Variants in DTWD2 observed in about 807,000 individuals in gnomAD.
DTWD2 encodes DTW motif tRNA-uridine aminocarboxypropyltransferase 2, also known as tRNA-uridine aminocarboxypropyltransferase 2.
DTWD2 carries 39 observed loss-of-function variants against 31.8 expected under a neutral mutation model. The observed-to-expected ratio is 1.22, with a 90% CI of 0.95 to 1.60. The LOEUF (loss-of-function observed/expected upper bound fraction) is 1.60, where lower values mean the gene tolerates loss of function less well. Ranked by LOEUF, DTWD2 falls within the 40% of genes most tolerant of loss-of-function variation. The pLI is 0.00. For missense variants in DTWD2, 515 were observed against 381.5 expected (o/e 1.35, Z -2.92); for synonymous variants, 180 against 142.8 (o/e 1.26, Z -1.86).
At chr5:118,981,837 T>C (rs1191273005) in intron 1 of DTWD2, among the ~76,000 whole-genome samples, 1 of 152,084 alleles carries the variant, frequency 6.6e-6, no homozygotes, top group African/African-American at 2.4e-5. Context: ...AAAATACCCA[T>C]GGCCAAAGGT....
At chr5:118,896,426 A>C (rs1753085039) in intron 4 of DTWD2, among the ~76,000 whole-genome samples, 1 of 151,916 alleles carries the variant, frequency 6.6e-6, no homozygotes, top group Admixed American at 6.6e-5. Flanking sequence ...AAAAAGGTTA[A>C]GATAAAAACA....
intron 4 of DTWD2, among the ~76,000 whole-genome samples, chr5:118,857,286 C>CTATGTGTACA (rs1397414404): frequency 6.6e-6 from 1 of 152,066 alleles, no homozygotes; most frequent in East Asian, 1.9e-4. Flanking sequence ...AGTATAACCT[C>CTATGTGTACA]TATGTGTACA....
intron 1 of DTWD2, 67 bp downstream of exon 1, chr5:118,988,227 G>C: frequency 1.3e-6 from 2 of 1,527,020 alleles, no homozygotes; most frequent in Non-Finnish European, 1.8e-6. Flanking sequence ...CTCCCCGGCA[G>C]GGGGCGCCGC....
At chr5:118,849,441 G>C (rs1174019050) in intron 4 of DTWD2, among the ~76,000 whole-genome samples, 2 of 152,172 alleles carry the variant, frequency 1.3e-5, no homozygotes, top group African/African-American at 2.4e-5. Context: ...CTGTAAACTA[G>C]TTCAATCACT....
chr5:118,977,537 C>T (rs1429288828), intron 1 of DTWD2, among the ~76,000 whole-genome samples: 1 of 152,110 alleles, frequency 6.6e-6, no homozygotes, highest in Non-Finnish European at 1.5e-5. Flanking sequence ...TTCCTATGTA[C>T]CAACAACAGG....
At chr5:118,875,430 C>A (rs1447617204) in intron 4 of DTWD2, among the ~76,000 whole-genome samples, 1 of 151,946 alleles carries the variant, frequency 6.6e-6, no homozygotes. Context: ...AGAACCAAGA[C>A]CTATTGGTAT....
chr5:118,974,109 C>A (rs1755069173), intron 1 of DTWD2: 4 of 1,591,270 alleles, frequency 2.5e-6, no homozygotes, highest in East Asian at 4.5e-5. Flanking sequence ...AAGCAGAAGA[C>A]CGACGAGGAT....
chr5:118,971,569 T>A (rs1339206013), intron 1 of DTWD2, among the ~76,000 whole-genome samples: 1 of 152,150 alleles, frequency 6.6e-6, no homozygotes, highest in Non-Finnish European at 1.5e-5. Flanking sequence ...ATTAGACAGA[T>A]GATCAAGACA....
intron 4 of DTWD2, among the ~76,000 whole-genome samples, chr5:118,853,875 T>G (rs1161407381): frequency 2.0e-5 from 3 of 152,128 alleles, no homozygotes; most frequent in Admixed American, 1.3e-4. Flanking sequence ...AGTTAAAAAT[T>G]TTTAATACTT....
At chr5:118,951,243 G>A (rs1754457965) in intron 1 of DTWD2, among the ~76,000 whole-genome samples, 1 of 152,184 alleles carries the variant, frequency 6.6e-6, no homozygotes, top group Non-Finnish European at 1.5e-5. Flanking sequence ...AAGGATTATA[G>A]GGTGGAGGAG....
intron 4 of DTWD2, among the ~76,000 whole-genome samples, chr5:118,910,426 T>A (rs534385032): frequency 1.4e-4 from 21 of 152,192 alleles, no homozygotes; most frequent in Admixed American, 4.6e-4. Flanking sequence ...CCCATTTCCA[T>A]CTGAGACCTC....
intron 2 of DTWD2, among the ~76,000 whole-genome samples, chr5:118,942,119 T>C (rs1754217392): frequency 6.6e-6 from 1 of 152,232 alleles, no homozygotes; most frequent in South Asian, 2.1e-4. Flanking sequence ...TTTTCTCTCA[T>C]TCTGTAGGCT....
chr5:118,937,410 A>G (rs1754069125), intron 3 of DTWD2, among the ~76,000 whole-genome samples: 1 of 150,576 alleles, frequency 6.6e-6, no homozygotes, highest in Non-Finnish European at 1.5e-5. Context: ...CCATAAAACT[A>G]TTGTTATAAA....
intron 3 of DTWD2, among the ~76,000 whole-genome samples, chr5:118,929,563 C>T (rs1208288093): frequency 6.6e-6 from 1 of 151,184 alleles, no homozygotes; most frequent in Non-Finnish European, 1.5e-5. Flanking sequence ...TGCTGTGATT[C>T]TGGGGACTGC....
chr5:118,879,184 A>C (rs1752685271), intron 4 of DTWD2, among the ~76,000 whole-genome samples: 2 of 152,208 alleles, frequency 1.3e-5, no homozygotes, highest in Admixed American at 6.5e-5. Flanking sequence ...AGATACATGC[A>C]CGTGTATCTT....
At chr5:118,882,842 C>G (rs950471526) in intron 4 of DTWD2, among the ~76,000 whole-genome samples, 1 of 152,216 alleles carries the variant, frequency 6.6e-6, no homozygotes, top group Non-Finnish European at 1.5e-5. Flanking sequence ...AAGTCTGCCA[C>G]GAAGATATCT....
Position 118,961,215 on chromosome 5 carries a change from G to C in DTWD2, c.219-16566C>G, listed in dbSNP as rs540104572. On this transcript the variant is annotated intron_variant, in intron 1 of 5. Transcript: ENST00000510708. ...AGCCCCTACTAAAACTGTGATGACA[G>C]TTATGGATCAACTAAGACTGAGAAT... 5.3e-5 allele frequency among the ~76,000 whole-genome samples: 8 copies of C among 152,286 alleles called. No homozygotes were observed. In the South Asian group the frequency reaches 1.7e-3, roughly 32 times the overall value.
intron 5 of DTWD2, among the ~76,000 whole-genome samples, chr5:118,847,557 T>C (rs1002204905): frequency 9.2e-5 from 14 of 152,260 alleles, no homozygotes; most frequent in African/African-American, 3.1e-4. Flanking sequence ...CATGCTTTCA[T>C]AGAAATTAAA....
chr5:118,866,928 T>A lies in DTWD2; in HGVS notation c.598-18710A>T, dbSNP rs1190478240. On this transcript the variant is annotated intron_variant, in intron 4 of 5. Transcript: ENST00000510708. ...TGAGACTCTGTCTCAAAAAAAAAAA[T>A]GAAAATAAAAAAATAAACTACAAAT... Among the ~76,000 whole-genome samples, 6 of 149,384 alleles carry A rather than the reference T, an allele frequency of 4.0e-5. No homozygotes were observed. The South Asian group carries it at 6.4e-4, about 16-fold the overall frequency.
Sources: gnomAD v4.1 joint callset for allele counts (sites outside exome capture counted in the v4.1 genomes callset) on GRCh38, gnomAD v4.1.1 for gene constraint, MANE v1.5 for transcripts, NCBI Gene and HGNC (gene_info 2026-07-23, HGNC 2026-07-21) for gene names.